The following MALRD1 variants were observed in gnomAD, a reference collection of about 807,000 sequenced individuals.
MALRD1 encodes MAM and LDL-receptor class A domain-containing protein 1.
MALRD1 carries 247 observed loss-of-function variants against 242.1 expected under a neutral mutation model. That is an observed-to-expected ratio of 1.02 (90% CI 0.92 to 1.13). The LOEUF (loss-of-function observed/expected upper bound fraction) is 1.13. Among genes scored for constraint, MALRD1 ranks in the 50% most tolerant of loss-of-function variants. MALRD1 has a pLI of 0.00. For missense variants in MALRD1, 2,989 were observed against 2,533.1 expected, an observed-to-expected ratio of 1.18 and a Z score of -3.86; for synonymous variants, 995 against 866.6, an observed-to-expected ratio of 1.15 and a Z score of -2.60.
At chr10:19,421,723 T>C (rs968188881) in intron 28 of MALRD1, among the ~76,000 whole-genome samples, 10 of 152,232 alleles carry the variant, frequency 6.6e-5, no homozygotes, top group African/African-American at 2.4e-4. Context: ...AGTATTGGAT[T>C]GTCAGCAGCT....
chr10:19,622,058 C>G (rs942172733), intron 36 of MALRD1, among the ~76,000 whole-genome samples: 1 of 151,542 alleles, frequency 6.6e-6, no homozygotes, highest in Non-Finnish European at 1.5e-5. Flanking sequence ...AAATTTAGCA[C>G]CTTCCTTAAG....
At chr10:19,336,496 A>T (rs1843620018) in intron 24 of MALRD1, among the ~76,000 whole-genome samples, 1 of 152,154 alleles carries the variant, frequency 6.6e-6, no homozygotes. Context: ...CAAAGAACAA[A>T]AAAGGGTTAT....
At chr10:19,391,284 T>C (rs1430290335) in intron 28 of MALRD1, among the ~76,000 whole-genome samples, 2 of 152,154 alleles carry the variant, frequency 1.3e-5, no homozygotes. Context: ...CTTAGTCACG[T>C]TGATTGTGAA....
chr10:19,292,560 A>G (rs756608087), intron 21 of MALRD1, among the ~76,000 whole-genome samples: 23 of 152,116 alleles, frequency 1.5e-4, no homozygotes, highest in Non-Finnish European at 2.8e-4. Flanking sequence ...TGTATTATAC[A>G]TTTGTGCAGA....
intron 14 of MALRD1, among the ~76,000 whole-genome samples, chr10:19,186,729 G>A (rs534847307): frequency 6.6e-5 from 10 of 152,012 alleles, no homozygotes; most frequent in African/African-American, 2.4e-4. Context: ...CAAGATCGTT[G>A]TTCTTCTTCA....
intron 33 of MALRD1, among the ~76,000 whole-genome samples, chr10:19,570,458 AG>A (rs1836473770): frequency 6.6e-6 from 1 of 152,072 alleles, no homozygotes; most frequent in Admixed American, 6.6e-5. Flanking sequence ...GGAATGTCAA[AG>A]AGAAAACAGA....
At chr10:19,618,258 C>T (rs940869869) in intron 36 of MALRD1, among the ~76,000 whole-genome samples, 10 of 151,960 alleles carry the variant, frequency 6.6e-5, no homozygotes, top group African/African-American at 1.7e-4. Context: ...ATTGATTCTA[C>T]GTCATTGCTA....
intron 24 of MALRD1, among the ~76,000 whole-genome samples, chr10:19,336,924 G>T (rs1432189468): frequency 1.3e-5 from 2 of 151,990 alleles, no homozygotes; most frequent in Admixed American, 6.6e-5. Flanking sequence ...TTGGGCAGTT[G>T]TTATATGGCA....
chr10:19,527,712 T>C (rs1834168273), intron 31 of MALRD1, among the ~76,000 whole-genome samples: 1 of 152,224 alleles, frequency 6.6e-6, no homozygotes, highest in Non-Finnish European at 1.5e-5. Context: ...AGGCTATTTA[T>C]TCACATCCAA....
At chr10:19,475,191 G>A (rs545017053) in intron 29 of MALRD1, among the ~76,000 whole-genome samples, 9 of 152,256 alleles carry the variant, frequency 5.9e-5, no homozygotes, top group Admixed American at 1.3e-4. Flanking sequence ...CGAGGCGGGC[G>A]GATCACGAGG....
At chr10:19,327,786 C>T in intron 23 of MALRD1, 113 bp downstream of exon 23, 1 of 837,832 alleles carries the variant, frequency 1.2e-6, no homozygotes, top group South Asian at 1.7e-5. Context: ...TTGATGTGTT[C>T]TGTGGATGCG....
intron 33 of MALRD1, among the ~76,000 whole-genome samples, chr10:19,578,701 G>T (rs1191627640): frequency 8.1e-5 from 12 of 148,206 alleles, no homozygotes; most frequent in South Asian, 2.1e-4. Context: ...CTCATGGCTG[G>T]GTTTTTTTTT....
chr10:19,418,078 C>T (rs539994989), intron 28 of MALRD1, among the ~76,000 whole-genome samples: 5 of 151,968 alleles, frequency 3.3e-5, no homozygotes, highest in East Asian at 3.9e-4. Flanking sequence ...TTTTTAATAT[C>T]GATGATCCCA....
chr10:19,263,374 G>C (rs963172643), intron 19 of MALRD1, among the ~76,000 whole-genome samples: 1 of 152,044 alleles, frequency 6.6e-6, no homozygotes, highest in African/African-American at 2.4e-5. Flanking sequence ...GTTTTGATTT[G>C]CATTTTCCTG....
At chr10:19,622,241 T>C (rs1178695120) in intron 36 of MALRD1, among the ~76,000 whole-genome samples, 1 of 151,630 alleles carries the variant, frequency 6.6e-6, no homozygotes, top group African/African-American at 2.4e-5. Flanking sequence ...AGAGAATTGA[T>C]AAAAGTTAAT....
intron 36 of MALRD1, among the ~76,000 whole-genome samples, chr10:19,620,778 A>T (rs181151752): frequency 2.0e-5 from 3 of 152,048 alleles, no homozygotes; most frequent in African/African-American, 7.2e-5. Flanking sequence ...GTGAATGTAA[A>T]GTCCTGAAAT....
intron 28 of MALRD1, among the ~76,000 whole-genome samples, chr10:19,427,897 T>A (rs11009849): frequency 0.47 from 71,992 of 151,970 alleles, 17,655 homozygotes; most frequent in East Asian, 0.74. Flanking sequence ...GGAATTTGCC[T>A]TGAATGCAAT....
Position 19,097,825 on chromosome 10 carries a change from G to A in MALRD1, c.598-6154G>A, listed in dbSNP as rs74120709. Among the ~76,000 whole-genome samples the A allele has an allele frequency of 2.2e-3, 336 of 152,234 alleles. 2 individuals are homozygous for A. Among genetic ancestry groups the A allele is most frequent in the African/African-American group, 7.6e-3 (316 of 41,542 alleles). ...ATTTTGCTTTAAAGATAATAATGTC[G>A]ATTCTTGCAAAACATAGTAATTAAG... is the stretch of plus-strand genomic sequence containing the variant. On this transcript the variant is annotated intron_variant, in intron 4 of 39. Transcript: ENST00000454679.
intron 29 of MALRD1, among the ~76,000 whole-genome samples, chr10:19,483,882 C>T (rs1222391173): frequency 6.6e-6 from 1 of 152,098 alleles, no homozygotes; most frequent in Non-Finnish European, 1.5e-5. Context: ...ACCTAGGTGC[C>T]CATCAACAGT....
Sources: allele counts gnomAD v4.1 joint callset (sites outside exome capture counted in the v4.1 genomes callset), GRCh38; gene constraint gnomAD v4.1.1; transcripts MANE v1.5; gene names NCBI Gene and HGNC (gene_info 2026-07-23, HGNC 2026-07-21).